The following TXNRD1 variants were observed in gnomAD, a reference collection of about 807,000 sequenced individuals.
The protein encoded by TXNRD1 is thioredoxin reductase 1, cytoplasmic.
Under a neutral mutation model 80.3 loss-of-function variants are expected in TXNRD1, and 57 were observed. That is an observed-to-expected ratio of 0.71 (90% CI 0.57 to 0.89). The LOEUF is 0.89. Among genes scored for constraint, TXNRD1 ranks in the 40% least tolerant of loss-of-function variants. TXNRD1 has a pLI of 0.00. For missense variants in TXNRD1, 730 were observed against 803.0 expected (o/e 0.91, Z 1.10); for synonymous variants, 291 against 285.2 (o/e 1.02, Z -0.20).
At position 104,291,231 on chromosome 12, in the gene TXNRD1, C is replaced by T. The variant is rs188846441; in HGVS notation, c.414+2191C>T. ...TTTTTTTTTTTTTGAGACAAAGTCT[C>T]GCTCTGTTGCTCAGGCTGGAGTGCA... On this transcript the variant is annotated intron_variant, in intron 4 of 16. Transcript: ENST00000525566. 1.3e-4 allele frequency: 57 copies of T among 439,486 alleles called. No homozygotes were observed. In the East Asian group the frequency reaches 1.9e-3, roughly 15 times the overall value. The allele number at this position is 439,486 out of a possible 1,614,324, so 27.2% of individuals were successfully genotyped here.
rs1026190516 is a variant in TXNRD1, at chr12:104,339,255, C to A, written c.1863C>A (p.Ile621=). The A allele has an allele frequency of 3.1e-6, 5 of 1,613,490 alleles. No homozygotes were observed. In the African/African-American group the frequency reaches 6.7e-5, roughly 22 times the overall value. ...TKKQLDSTIG[I]HPVCAEVFTT... ...AGCAGCTGGACAGCACAATTGGAAT[C>A]CACCCTGTCTGTGCAGAGGTGGGTC... The change falls in exon 16 of 17, where the codon ATC becomes ATA. Residue 621 remains isoleucine (I), a synonymous_variant. Transcript: ENST00000525566.
At chr12:104,224,841 C>A (rs1300670679) in intron 1 of TXNRD1, 2 of 456,666 alleles carry the variant, frequency 4.4e-6, no homozygotes, top group South Asian at 3.1e-5. Flanking sequence ...TTGGAAACTT[C>A]TTTTATCTAC....
At chr12:104,314,800 G>A (rs1166562798) in intron 6 of TXNRD1, among the ~76,000 whole-genome samples, 2 of 145,704 alleles carry the variant, frequency 1.4e-5, no homozygotes, top group African/African-American at 5.1e-5. Flanking sequence ...GGAGTGCAGT[G>A]GCGCTATCTC....
intron 1 of TXNRD1, among the ~76,000 whole-genome samples, chr12:104,217,375 A>C (rs1165605790): frequency 6.9e-6 from 1 of 145,644 alleles, no homozygotes; most frequent in Non-Finnish European, 1.5e-5. Context: ...CAATGGCGCC[A>C]TCTTGGCTCA....
chr12:104,316,474 C>T (rs2035330981), intron 7 of TXNRD1, among the ~76,000 whole-genome samples: 1 of 152,206 alleles, frequency 6.6e-6, no homozygotes, highest in Non-Finnish European at 1.5e-5. Context: ...ACTGCAAGCT[C>T]CGCCTCCCGG....
intron 1 of TXNRD1, among the ~76,000 whole-genome samples, chr12:104,246,762 C>T (rs911783260): frequency 6.6e-6 from 1 of 151,924 alleles, no homozygotes; most frequent in Non-Finnish European, 1.5e-5. Context: ...ACTTTGTGAT[C>T]CGCCCGCCTC....
intron 3 of TXNRD1, among the ~76,000 whole-genome samples, chr12:104,285,170 TCAAA>T (rs753752114): frequency 3.4e-4 from 51 of 152,030 alleles, no homozygotes; most frequent in African/African-American, 8.7e-4. Context: ...CAAGAGACTG[TCAAA>T]CAAACAAACA....
In TXNRD1 at chr12:104,339,440, A is replaced by G. The variant is rs142319220; in HGVS notation, c.1881+167A>G. The G allele has an allele frequency of 1.3e-3, 1,222 of 939,712 alleles. 3 individuals carry two copies. The highest frequency in any genetic ancestry group is 1.9e-3 in the Non-Finnish European group (1,128 of 581,212). The allele number at this position is 939,712 out of a possible 1,614,324, so 58.2% of individuals were successfully genotyped here. On this transcript the variant is annotated intron_variant, in intron 16 of 16. Coordinates refer to ENST00000525566, the MANE Select transcript of TXNRD1 (RefSeq NM_001093771.3). ...TTTTGTCTTTCAATACTGATTGCTCATGGTATGAACTGGAGGCTTCCGTCA... is the reference window on the plus strand; with the variant it reads ...TTTTGTCTTTCAATACTGATTGCTCGTGGTATGAACTGGAGGCTTCCGTCA...
intron 7 of TXNRD1, among the ~76,000 whole-genome samples, chr12:104,318,575 C>G (rs2035412123): frequency 6.6e-6 from 1 of 152,204 alleles, no homozygotes; most frequent in Non-Finnish European, 1.5e-5. Flanking sequence ...ATCAGAATCT[C>G]TTGGATTTTC....
chr12:104,322,300 T>A (rs890534254), intron 10 of TXNRD1, among the ~76,000 whole-genome samples: 2 of 152,032 alleles, frequency 1.3e-5, no homozygotes, highest in Non-Finnish European at 2.9e-5. Flanking sequence ...CTCATAATAT[T>A]GTTATGAAGA....
chr12:104,222,563 A>G (rs2135674752), intron 1 of TXNRD1, among the ~76,000 whole-genome samples: 1 of 152,294 alleles, frequency 6.6e-6, no homozygotes, highest in Admixed American at 6.5e-5. Context: ...CAATAAAACT[A>G]ACTTTTGGGC....
chr12:104,282,616 G>T (rs899888206), intron 3 of TXNRD1, among the ~76,000 whole-genome samples: 3 of 98,906 alleles, frequency 3.0e-5, no homozygotes, highest in Non-Finnish European at 4.3e-5. Flanking sequence ...TTTCAGAAAA[G>T]CTTTGTGTGT....
rs1238635084 is a variant in TXNRD1, at chr12:104,264,038, T to C, written c.304+5959T>C. ...TTTGGCATTGTTTTCCTTGAACAAA[T>C]AAAAACCCCTCACAAGCAGAGGTAC... On this transcript the variant is annotated intron_variant, in intron 3 of 16. Transcript: ENST00000525566. Among the ~76,000 whole-genome samples the C allele has an allele frequency of 2.6e-5, 4 of 152,092 alleles. No homozygotes were observed. The South Asian group carries it at 6.2e-4, about 24-fold the overall frequency.
chr12:104,282,576 C>T (rs993152051), intron 3 of TXNRD1, among the ~76,000 whole-genome samples: 1 of 151,938 alleles, frequency 6.6e-6, no homozygotes, highest in Non-Finnish European at 1.5e-5. Flanking sequence ...CCCTACCCTA[C>T]TTTATTCTTC....
chr12:104,284,009 A>G (rs1019774725), intron 3 of TXNRD1, among the ~76,000 whole-genome samples: 3 of 152,218 alleles, frequency 2.0e-5, no homozygotes, highest in Admixed American at 2.0e-4. Flanking sequence ...GAGTGAAGGC[A>G]GAGAATATGG....
intron 1 of TXNRD1, among the ~76,000 whole-genome samples, chr12:104,217,149 C>T (rs1389483041): frequency 6.6e-6 from 1 of 152,036 alleles, no homozygotes; most frequent in Non-Finnish European, 1.5e-5. Flanking sequence ...AATTTGTGGC[C>T]ATTAGTACAA....
chr12:104,223,348 A>C (rs1383128731), intron 1 of TXNRD1, among the ~76,000 whole-genome samples: 1 of 152,194 alleles, frequency 6.6e-6, no homozygotes, highest in African/African-American at 2.4e-5. Flanking sequence ...ATTTGTTTAG[A>C]AGTGGGCACA....
chr12:104,267,699 T>TTCTTTCTTTCTTTCTCTCTC (rs1555209251), intron 3 of TXNRD1, among the ~76,000 whole-genome samples: 18 of 46,436 alleles, frequency 3.9e-4, no homozygotes, highest in South Asian at 2.9e-3. Flanking sequence ...CTTTCTTTCT[T>TTCTTTCTTTCTTTCTCTCTC]TCTCTCTTTC....
rs1365350775 is a variant in TXNRD1, at chr12:104,223,123, G to T, written c.91+7230G>T. Among the ~76,000 whole-genome samples, 3 of 152,174 alleles carry T rather than the reference G, an allele frequency of 2.0e-5. No homozygotes were observed. In the South Asian group the frequency reaches 6.2e-4, roughly 32 times the overall value. ...TGGATATTACAGTGTAGCTATGGCT[G>T]CCTTGAGATTATTGCTCACTTATAT... On this transcript the variant is annotated intron_variant, in intron 1 of 16. Transcript: ENST00000525566.
Sources: allele counts gnomAD v4.1 joint callset (sites outside exome capture counted in the v4.1 genomes callset), GRCh38; gene constraint gnomAD v4.1.1; transcripts MANE v1.5; gene names NCBI Gene and HGNC (gene_info 2026-07-23, HGNC 2026-07-21).